RALGAPA2: variants seen among roughly 807,000 people sequenced by gnomAD.
RALGAPA2 encodes the protein ral GTPase-activating protein subunit alpha-2.
RALGAPA2 carries 139 observed loss-of-function variants against 230.4 expected under a neutral mutation model. The observed-to-expected ratio is 0.60, with a 90% CI of 0.53 to 0.69. The LOEUF is 0.69. Ranked by LOEUF, RALGAPA2 falls within the 30% of genes least tolerant of loss-of-function variation. The pLI, the probability that RALGAPA2 is intolerant of heterozygous loss-of-function variation, is 0.00. For missense variants in RALGAPA2, 2,163 were observed against 2,276.0 expected, an observed-to-expected ratio of 0.95 and a Z score of 1.01; for synonymous variants, 847 against 837.8, an observed-to-expected ratio of 1.01 and a Z score of -0.19.
intron 5 of RALGAPA2, among the ~76,000 whole-genome samples, chr20:20,641,662 T>C (rs1224531291): frequency 1.3e-5 from 2 of 150,902 alleles, no homozygotes; most frequent in African/African-American, 4.9e-5. Flanking sequence ...AAAGATTATG[T>C]CAATAAAAAA....
intron 30 of RALGAPA2, among the ~76,000 whole-genome samples, chr20:20,521,851 T>G (rs2063051740): frequency 6.6e-6 from 1 of 152,192 alleles, no homozygotes; most frequent in South Asian, 2.1e-4. Flanking sequence ...TTAAATATAT[T>G]TATGTAAAGT....
rs144774846 is a variant in RALGAPA2, at chr20:20,513,029, G to A, written c.4340C>T (p.Pro1447Leu). Residue 1447 changes from proline (P) to leucine (L), a missense_variant, in exon 32 of 40, where the codon CCG becomes CTG. Pro to Leu is a moderately conservative substitution (Grantham distance 98). Transcript: ENST00000202677. ...ISYLQTPTEG[P>L]VGGSPVGSLS... is the part of the protein sequence containing the mutation. ...AGAGCCCACTGGTGATCCCCCTACC[G>A]GTCCTTCTGTGGGTGTCTGAAGGTA... 1,707 of 1,613,316 alleles carry A rather than the reference G, an allele frequency of 1.1e-3. 16 individuals carry two copies. In the African/African-American group the frequency reaches 0.019, roughly 18 times the overall value.
At chr20:20,559,525 T>A (rs2064190779) in intron 23 of RALGAPA2, among the ~76,000 whole-genome samples, 1 of 152,134 alleles carries the variant, frequency 6.6e-6, no homozygotes, top group Admixed American at 6.5e-5. Flanking sequence ...CATACAAATC[T>A]CACCATGGCA....
intron 23 of RALGAPA2, among the ~76,000 whole-genome samples, chr20:20,565,448 T>C (rs373270973): frequency 1.3e-5 from 2 of 152,196 alleles, no homozygotes; most frequent in East Asian, 3.9e-4. Context: ...TGCACCTTGC[T>C]TTCAAAGCTC....
At chr20:20,448,449 T>G (rs2060914074) in intron 37 of RALGAPA2, among the ~76,000 whole-genome samples, 1 of 152,194 alleles carries the variant, frequency 6.6e-6, no homozygotes, top group South Asian at 2.1e-4. Flanking sequence ...AATATCAAAT[T>G]TATCAGGTCT....
intron 28 of RALGAPA2, among the ~76,000 whole-genome samples, chr20:20,525,871 G>A (rs755942216): frequency 6.6e-6 from 1 of 152,224 alleles, no homozygotes; most frequent in Non-Finnish European, 1.5e-5. Context: ...TAGTCTGGGA[G>A]AGACTTCTGT....
At chr20:20,571,404 G>T in intron 23 of RALGAPA2, 54 bp downstream of exon 23, 1 of 1,514,482 alleles carries the variant, frequency 6.6e-7, no homozygotes, top group Non-Finnish European at 9.0e-7. Flanking sequence ...TCTTTAAAGA[G>T]TGATATGCTA....
chr20:20,552,587 T>C, intron 23 of RALGAPA2, among the ~76,000 whole-genome samples: 1 of 152,174 alleles, frequency 6.6e-6, no homozygotes, highest in East Asian at 1.9e-4. Flanking sequence ...ATTCTATACT[T>C]GGATAATTAA....
chr20:20,407,627 C>T (rs980997278), intron 38 of RALGAPA2, among the ~76,000 whole-genome samples: 4 of 152,216 alleles, frequency 2.6e-5, no homozygotes, highest in African/African-American at 9.6e-5. Flanking sequence ...GTGCCTCCAT[C>T]TGCAGTTTTA....
chr20:20,396,034 C>T (rs1461870382), intron 39 of RALGAPA2, among the ~76,000 whole-genome samples: 1 of 152,214 alleles, frequency 6.6e-6, no homozygotes, highest in African/African-American at 2.4e-5. Flanking sequence ...GACAGCCTTG[C>T]CAAGGCGGCT....
chr20:20,428,181 T>A (rs1243595899), intron 37 of RALGAPA2, among the ~76,000 whole-genome samples: 2 of 152,174 alleles, frequency 1.3e-5, no homozygotes, highest in Non-Finnish European at 2.9e-5. Context: ...TTGTAACAGA[T>A]CCCATCTATT....
At chr20:20,671,785 T>C (rs1427709747) in intron 3 of RALGAPA2, among the ~76,000 whole-genome samples, 4 of 152,202 alleles carry the variant, frequency 2.6e-5, no homozygotes, top group Non-Finnish European at 5.9e-5. Context: ...TCAAAACTTC[T>C]GTGAGAGGGA....
At chr20:20,445,762 A>G (rs2060846863) in intron 37 of RALGAPA2, among the ~76,000 whole-genome samples, 1 of 152,174 alleles carries the variant, frequency 6.6e-6, no homozygotes, top group Admixed American at 6.5e-5. Context: ...TAATTGCCCA[A>G]TGTGTTTAAT....
intron 1 of RALGAPA2, among the ~76,000 whole-genome samples, chr20:20,686,101 G>A (rs1207277240): frequency 6.6e-6 from 1 of 152,172 alleles, no homozygotes; most frequent in African/African-American, 2.4e-5. Flanking sequence ...TAAACCTCTT[G>A]TTGATTAAGT....
chr20:20,712,503 C>T lies in RALGAPA2; in HGVS notation c.-23G>A. 6.5e-7 allele frequency: 1 copy of T among 1,540,230 alleles called. No homozygotes were observed. The highest frequency in any genetic ancestry group is 8.8e-7 in the Non-Finnish European group (1 of 1,142,300). ...CATCCCGCGGCAGGAAGCCCGGGCC[C>T]CGCCGGCGGGGCAGTAGGCGCCTGC... On this transcript the variant is annotated 5_prime_UTR_variant, in exon 1 of 40. Coordinates refer to ENST00000202677, the MANE Select transcript of RALGAPA2 (RefSeq NM_020343.4). The surrounding 1 kb of genome is among the most constrained non-coding windows in gnomAD (Gnocchi z 5.5).
intron 26 of RALGAPA2, among the ~76,000 whole-genome samples, chr20:20,535,139 A>G (rs2063466195): frequency 6.6e-6 from 1 of 152,178 alleles, no homozygotes; most frequent in Non-Finnish European, 1.5e-5. Context: ...GGAGGGAGTA[A>G]GAGGCTGAGC....
intron 37 of RALGAPA2, among the ~76,000 whole-genome samples, chr20:20,454,137 G>A (rs2061053671): frequency 6.6e-6 from 1 of 152,194 alleles, no homozygotes; most frequent in South Asian, 2.1e-4. Context: ...GGTGTTATCT[G>A]TACTCTGTGA....
intron 23 of RALGAPA2, among the ~76,000 whole-genome samples, chr20:20,564,715 A>T (rs1477655844): frequency 6.6e-6 from 1 of 152,230 alleles, no homozygotes; most frequent in Non-Finnish European, 1.5e-5. Context: ...CCCCATGGCC[A>T]GTGAGTGACA....
intron 17 of RALGAPA2, among the ~76,000 whole-genome samples, chr20:20,590,844 C>G (rs545006557): frequency 4.1e-4 from 63 of 152,246 alleles, no homozygotes; most frequent in African/African-American, 1.3e-3. Context: ...TTCCATAATA[C>G]CTAACTTGAT....
Sources: gnomAD v4.1 joint callset for allele counts (sites outside exome capture counted in the v4.1 genomes callset) on GRCh38, gnomAD v4.1.1 for gene constraint, Gnocchi (gnomAD v3.1) non-coding constraint, MANE v1.5 for transcripts, NCBI Gene and HGNC (gene_info 2026-07-23, HGNC 2026-07-21) for gene names.